NF1: variants seen among roughly 807,000 people sequenced by gnomAD.
The protein encoded by NF1 is neurofibromin.
NF1 carries 122 observed loss-of-function variants against 325.7 expected under a neutral mutation model. The ratio of observed to expected loss-of-function variants is 0.37; its 90% CI spans 0.32 to 0.44. The LOEUF (loss-of-function observed/expected upper bound fraction) is 0.44. Ranked by LOEUF, NF1 falls within the 20% of genes least tolerant of loss-of-function variation. The pLI is 1.00. For synonymous variants in NF1, 1,091 were observed against 1,186.0 expected, an observed-to-expected ratio of 0.92 and a Z score of 1.65; for missense variants, 2,140 against 3,415.4, an observed-to-expected ratio of 0.63 and a Z score of 9.31.
In NF1 at chr17:31,234,852, T is replaced by C. The variant is rs17883622; in HGVS notation, c.3709-759T>C. ...CTATGAGCCATGATCCTGGCCTTTGTTGTTACTGCTTGAGGATTGAGGCAT... is the reference window on the plus strand; with the variant it reads ...CTATGAGCCATGATCCTGGCCTTTGCTGTTACTGCTTGAGGATTGAGGCAT... On this transcript the variant is annotated intron_variant, in intron 27 of 57. Transcript: ENST00000358273. 3.5e-3 allele frequency among the ~76,000 whole-genome samples: 540 copies of C among 152,188 alleles called. 6 individuals are homozygous for C. The highest frequency in any genetic ancestry group is 0.012 in the African/African-American group (513 of 41,540).
In NF1 at chr17:31,336,245, T is replaced by G. The variant is rs2151552858; in HGVS notation, c.6007-88T>G. 7.1e-7 allele frequency: 1 copy of G among 1,416,416 alleles called. No homozygotes were observed. Among genetic ancestry groups the G allele is most frequent in the Non-Finnish European group, 9.7e-7 (1 of 1,027,488 alleles). The allele number at this position is 1,416,416 out of a possible 1,614,324, so 87.7% of individuals were successfully genotyped here. ...CCTCAGGTAAAATAGAATTTTCATA[T>G]TGATTAGGCTGTTCCAATGAATATT... On this transcript the variant is annotated intron_variant, in intron 40 of 57. Transcript: ENST00000358273. This position sits in a 1 kb window ranked among gnomAD's most constrained non-coding sequence, Gnocchi z 5.5.
rs192897187 is a variant in NF1 at position 31,142,745 on chromosome 17, T to C, written c.61-13238T>C. ...AACCGGGTGTGGTGGCAGGCGCCTG[T>C]AGTCCCAGCTACTCGGGAGGCTGAG... On this transcript the variant is annotated intron_variant, in intron 1 of 57. Coordinates refer to ENST00000358273, the MANE Select transcript of NF1 (RefSeq NM_001042492.3). Among the ~76,000 whole-genome samples, 12 of 152,074 alleles carry C rather than the reference T, an allele frequency of 7.9e-5. No homozygotes were observed. In the East Asian group the frequency reaches 2.3e-3, roughly 29 times the overall value.
rs1012054499 is a variant in NF1 at position 31,253,061 on chromosome 17, G to A, written c.4173+61G>A. 6 of 1,364,880 alleles carry A rather than the reference G, an allele frequency of 4.4e-6. No homozygotes were observed. In the Admixed American group the frequency reaches 5.4e-5, roughly 12 times the overall value. 84.5% of individuals were successfully genotyped at this position (1,364,880 alleles called of 1,614,324 possible). A position where few individuals can be genotyped will look rare whatever the true frequency, so the allele number is the denominator to read the frequency against. On this transcript the variant is annotated intron_variant, in intron 31 of 57. Coordinates refer to ENST00000358273, the MANE Select transcript of NF1 (RefSeq NM_001042492.3). ...CAAAGCAAAACAAAAATCTTTTGCT[G>A]TTTGTTAAGAATATCTTCACTTCAG...
At chr17:31,276,257 A>T (rs1471936547) in intron 36 of NF1, among the ~76,000 whole-genome samples, 2 of 150,304 alleles carry the variant, frequency 1.3e-5, no homozygotes, top group African/African-American at 4.9e-5. Context: ...ATTGGAATTC[A>T]TTGAAATACC....
intron 24 of NF1, among the ~76,000 whole-genome samples, chr17:31,231,154 C>G (rs972404700): frequency 6.6e-5 from 10 of 151,936 alleles, no homozygotes; most frequent in African/African-American, 2.4e-4. Flanking sequence ...TTAGTGTTGT[C>G]AGTTTATGAA....
chr17:31,227,468 T>C (rs2151427298), intron 19 of NF1, 55 bp from the exon 20 acceptor site: 2 of 1,573,856 alleles, frequency 1.3e-6, no homozygotes, highest in South Asian at 2.2e-5. Context: ...CTGTAGCTGA[T>C]TGATGTTTAG....
intron 8 of NF1, among the ~76,000 whole-genome samples, chr17:31,191,707 A>C (rs1168108070): frequency 1.3e-5 from 2 of 152,218 alleles, no homozygotes; most frequent in Non-Finnish European, 2.9e-5. Flanking sequence ...TAGTTACATG[A>C]CTATTCTGAA....
intron 36 of NF1, among the ~76,000 whole-genome samples, chr17:31,266,412 T>G (rs972787589): frequency 2.6e-5 from 4 of 152,050 alleles, no homozygotes; most frequent in African/African-American, 9.7e-5. Context: ...GTAAGAAAAT[T>G]GCATTGAACC....
intron 57 of NF1, among the ~76,000 whole-genome samples, chr17:31,361,907 A>G (rs1597871644): frequency 1.3e-5 from 2 of 152,368 alleles, no homozygotes; most frequent in East Asian, 3.8e-4. Context: ...TTTTATTTCC[A>G]CATTTGTCAG....
At position 31,227,307 on chromosome 17, in the gene NF1, C is replaced by G. The variant is rs371709563; in HGVS notation, c.2325+16C>G. 1.1e-4 allele frequency: 185 copies of G among 1,612,866 alleles called. No homozygotes were observed. Among genetic ancestry groups the G allele is most frequent in the Non-Finnish European group, 1.5e-4 (182 of 1,179,034 alleles). On this transcript the variant is annotated intron_variant, in intron 19 of 57. Transcript: ENST00000358273. The stretch of plus-strand genomic sequence containing the variant: ...AAACACTGAGGTATGCCCTTAGCAA[C>G]AGAAACACCCCTCCCAGGCGCCCAC...
chr17:31,242,475 A>G (rs1045275014), intron 29 of NF1, among the ~76,000 whole-genome samples: 3 of 151,910 alleles, frequency 2.0e-5, no homozygotes, highest in South Asian at 2.1e-4. Context: ...TCTTGTAAGC[A>G]TGCTTCATTC....
chr17:31,281,650 T>A (rs2068120322), intron 36 of NF1, among the ~76,000 whole-genome samples: 1 of 152,134 alleles, frequency 6.6e-6, no homozygotes, highest in East Asian at 1.9e-4. Context: ...TGCCCTTCCT[T>A]TATCATGGGA....
chr17:31,330,262 GT>G (rs1567613551), intron 38 of NF1, 33 bp from the exon 39 acceptor site: 34 of 1,601,476 alleles, frequency 2.1e-5, no homozygotes, highest in Non-Finnish European at 2.8e-5. Context: ...GGAAAAATAC[GT>G]TTTAAAACAA....
chr17:31,230,083 C>A, intron 22 of NF1, 109 bp downstream of exon 22: 1 of 1,458,970 alleles, frequency 6.9e-7, no homozygotes, highest in Non-Finnish European at 9.6e-7. Flanking sequence ...CTTTACTGCA[C>A]ACAAACTAGG....
intron 36 of NF1, among the ~76,000 whole-genome samples, chr17:31,293,415 C>T (rs753654456): frequency 1.3e-4 from 19 of 151,770 alleles, no homozygotes; most frequent in Non-Finnish European, 2.5e-4. Flanking sequence ...TCAAATAATC[C>T]TGTTTCTTCA....
At chr17:31,145,806 C>T (rs1351881438) in intron 1 of NF1, among the ~76,000 whole-genome samples, 6 of 152,156 alleles carry the variant, frequency 3.9e-5, no homozygotes, top group Non-Finnish European at 8.8e-5. Context: ...CATGAAGATT[C>T]TCAGATGTCC....
At chr17:31,233,289 ATGTT>A (rs1220379236) in intron 27 of NF1, 76 bp downstream of exon 27, 14 of 1,321,318 alleles carry the variant, frequency 1.1e-5, no homozygotes, top group Non-Finnish European at 1.4e-5. Flanking sequence ...TGTTCAATAA[ATGTT>A]TGTTGAATGA....
intron 12 of NF1, among the ~76,000 whole-genome samples, chr17:31,212,030 A>AT (rs572649640): frequency 6.6e-6 from 1 of 152,148 alleles, no homozygotes; most frequent in Non-Finnish European, 1.5e-5. Flanking sequence ...AAACTTTTAA[A>AT]TTTTTTAATT....
chr17:31,132,791 C>G lies in NF1; in HGVS notation c.61-23192C>G, dbSNP rs1323660378. Among the ~76,000 whole-genome samples, 13 of 152,062 alleles carry G rather than the reference C, an allele frequency of 8.5e-5. No homozygotes were observed. The East Asian group carries it at 2.3e-3, about 27-fold the overall frequency. ...AAGTGAGTCTCCTGCCTCAGCCACC[C>G]AAGTAGCTGGGATTACAGGCGCTCG... On this transcript the variant is annotated intron_variant, in intron 1 of 57. Transcript: ENST00000358273.
Sources: gnomAD v4.1 joint callset for allele counts (sites outside exome capture counted in the v4.1 genomes callset) on GRCh38, gnomAD v4.1.1 for gene constraint, Gnocchi (gnomAD v3.1) non-coding constraint, MANE v1.5 for transcripts, NCBI Gene and HGNC (gene_info 2026-07-23, HGNC 2026-07-21) for gene names.